The following BANK1 variants were observed in gnomAD, a reference collection of about 807,000 sequenced individuals.
BANK1 encodes the protein B-cell scaffold protein with ankyrin repeats.
Under a neutral mutation model 94.5 loss-of-function variants are expected in BANK1, and 95 were observed. The ratio of observed to expected loss-of-function variants is 1.00; its 90% confidence interval spans 0.85 to 1.19. BANK1 has a LOEUF of 1.19. BANK1 is among the 50% of genes most tolerant of loss of function. The probability of loss-of-function intolerance (pLI) is 0.00; values close to 1 mark genes in which losing one functional copy is unlikely to be tolerated. For synonymous variants in BANK1, 334 were observed against 308.4 expected, an observed-to-expected ratio of 1.08 and a Z score of -0.87; for missense variants, 987 against 932.2, an observed-to-expected ratio of 1.06 and a Z score of -0.77.
chr4:101,944,601 C>G (rs974914909), intron 7 of BANK1, among the ~76,000 whole-genome samples: 1 of 151,910 alleles, frequency 6.6e-6, no homozygotes, highest in Non-Finnish European at 1.5e-5. Context: ...AAAAAAAAAT[C>G]AGTGGGAACA....
At chr4:101,874,530 G>A (rs533374168) in intron 5 of BANK1, among the ~76,000 whole-genome samples, 29 of 152,180 alleles carry the variant, frequency 1.9e-4, no homozygotes, top group Admixed American at 8.5e-4. Context: ...GTACAAATGC[G>A]TCTAGTCTCT....
chr4:101,828,806 A>G (rs913324135), intron 1 of BANK1, among the ~76,000 whole-genome samples: 1 of 152,102 alleles, frequency 6.6e-6, no homozygotes, highest in Non-Finnish European at 1.5e-5. Flanking sequence ...TTTCCTGGAT[A>G]TGTGAAGAAA....
chr4:101,945,689 A>G (rs1050464322), intron 7 of BANK1, among the ~76,000 whole-genome samples: 2 of 151,898 alleles, frequency 1.3e-5, no homozygotes, highest in Non-Finnish European at 1.5e-5. Context: ...CTTTATGTTC[A>G]TGGTTGTATC....
At chr4:102,010,081 A>G (rs1307660554) in intron 7 of BANK1, among the ~76,000 whole-genome samples, 2 of 149,656 alleles carry the variant, frequency 1.3e-5, no homozygotes, top group Non-Finnish European at 3.0e-5. Flanking sequence ...CCTGGCTAAC[A>G]CGGTGAAACC....
intron 7 of BANK1, among the ~76,000 whole-genome samples, chr4:101,951,415 CT>C (rs1724146653): frequency 6.6e-6 from 1 of 152,048 alleles, no homozygotes; most frequent in South Asian, 2.1e-4. Flanking sequence ...TTTTCAAAAA[CT>C]TTAGCCCAAA....
chr4:102,004,126 C>G (rs571887358), intron 7 of BANK1, among the ~76,000 whole-genome samples: 1 of 152,198 alleles, frequency 6.6e-6, no homozygotes, highest in South Asian at 2.1e-4. Context: ...CTGCCCTCCA[C>G]TAGAATGAAT....
intron 5 of BANK1, among the ~76,000 whole-genome samples, chr4:101,892,646 T>A (rs1721919826): frequency 6.6e-6 from 1 of 151,934 alleles, no homozygotes; most frequent in East Asian, 1.9e-4. Context: ...GTTCATTAAC[T>A]AAAGTCTTAG....
intron 7 of BANK1, among the ~76,000 whole-genome samples, chr4:101,959,008 G>A (rs1724471085): frequency 6.6e-6 from 1 of 152,110 alleles, no homozygotes; most frequent in Non-Finnish European, 1.5e-5. Context: ...TCTCCCATAT[G>A]GATTCATGAT....
chr4:101,811,748 G>T (rs1725737226), intron 1 of BANK1, among the ~76,000 whole-genome samples: 1 of 152,056 alleles, frequency 6.6e-6, no homozygotes. Flanking sequence ...GATACTTAAA[G>T]ATTTATTGAC....
intron 7 of BANK1, among the ~76,000 whole-genome samples, chr4:101,988,645 C>G (rs946325121): frequency 6.6e-6 from 1 of 152,180 alleles, no homozygotes; most frequent in Non-Finnish European, 1.5e-5. Flanking sequence ...TCATCACAGT[C>G]TCTAAATAAT....
At chr4:101,859,894 T>C (rs538778644) in intron 3 of BANK1, among the ~76,000 whole-genome samples, 2 of 152,308 alleles carry the variant, frequency 1.3e-5, no homozygotes, top group South Asian at 4.1e-4. Context: ...CATGAAAAAC[T>C]AATCAGGAGT....
At chr4:101,892,566 T>C (rs1011852773) in intron 5 of BANK1, among the ~76,000 whole-genome samples, 3 of 151,738 alleles carry the variant, frequency 2.0e-5, no homozygotes, top group Admixed American at 6.6e-5. Flanking sequence ...ATGTGTTTAA[T>C]TTGTTCAATA....
intron 13 of BANK1, among the ~76,000 whole-genome samples, chr4:102,064,608 A>C (rs1391345517): frequency 6.6e-6 from 1 of 152,240 alleles, no homozygotes; most frequent in African/African-American, 2.4e-5. Context: ...TCAGTGCCTT[A>C]ATTATGAATC....
At chr4:101,903,028 C>T (rs966733734) in intron 6 of BANK1, among the ~76,000 whole-genome samples, 3 of 152,130 alleles carry the variant, frequency 2.0e-5, no homozygotes, top group Admixed American at 6.5e-5. Context: ...CATTAATGGG[C>T]ATATAAAAAG....
chr4:101,950,434 A>C (rs1355734443), intron 7 of BANK1, among the ~76,000 whole-genome samples: 1 of 152,148 alleles, frequency 6.6e-6, no homozygotes, highest in African/African-American at 2.4e-5. Flanking sequence ...AAATGAATAA[A>C]ATTCTTGAGA....
At chr4:101,940,346 CAG>C (rs1036869303) in intron 7 of BANK1, among the ~76,000 whole-genome samples, 3 of 151,470 alleles carry the variant, frequency 2.0e-5, no homozygotes, top group African/African-American at 7.3e-5. Context: ...AAACATAGAA[CAG>C]AGTTTCCATA....
intron 5 of BANK1, among the ~76,000 whole-genome samples, chr4:101,880,977 A>C (rs988883970): frequency 6.6e-6 from 1 of 152,184 alleles, no homozygotes; most frequent in African/African-American, 2.4e-5. Context: ...TACTGAAAGA[A>C]AACATTGGAA....
In BANK1 at chr4:101,918,040, T is replaced by G. The variant is rs914508250; in HGVS notation, c.1057T>G (p.Phe353Val). 4 of 1,611,418 alleles carry G rather than the reference T, an allele frequency of 2.5e-6. No individual in the cohort carries two copies. The South Asian group carries it at 3.3e-5, about 13-fold the overall frequency. The change falls in exon 7 of 17, where the codon TTT (phenylalanine) becomes GTT (valine). Residue 353 changes from phenylalanine (F) to valine (V), a missense_variant. Transcript: ENST00000322953. ...AACTCTTCTCCACTGTGCAGCAAAA[T>G]TTGGCTTAAAGAACCTGGCTATTCA... Reference protein sequence around the residue: ...LPTLLHCAAKFGLKNLAIHLL... With the variant: ...LPTLLHCAAKVGLKNLAIHLL...
In BANK1 at chr4:101,855,045, C is replaced by G. The variant is rs1727627075; in HGVS notation, c.480C>G (p.Asp160Glu). The G allele has an allele frequency of 1.2e-6, 2 of 1,607,902 alleles. No individual in the cohort carries two copies. Among genetic ancestry groups the G allele is most frequent in the Non-Finnish European group, 1.7e-6 (2 of 1,175,954 alleles). ...IQSIIFKDSE[D>E]YFEVNIPTDL... is the part of the protein sequence containing the mutation. ...TAAAATTTTCTCTAGATTCTGAAGA[C>G]TACTTTGAGGTCAACATTCCAACAG... Residue 160 changes from aspartate (D) to glutamate (E), a missense_variant, in exon 3 of 17, where the codon GAC becomes GAG. Coordinates refer to ENST00000322953, the MANE Select transcript of BANK1 (RefSeq NM_017935.5).
Sources: gnomAD v4.1 joint callset for allele counts (sites outside exome capture counted in the v4.1 genomes callset) on GRCh38, gnomAD v4.1.1 for gene constraint, MANE v1.5 for transcripts, NCBI Gene and HGNC (gene_info 2026-07-23, HGNC 2026-07-21) for gene names.